Variants in CCDC149 observed in about 807,000 individuals in gnomAD.
CCDC149 encodes coiled-coil domain-containing protein 149.
A neutral mutation model predicts 59.9 loss-of-function variants in CCDC149; 45 were observed. That is an observed-to-expected ratio of 0.75 (90% CI 0.59 to 0.96). The LOEUF is 0.96. CCDC149 is among the 40% of genes least tolerant of loss of function. The pLI, the probability that CCDC149 is intolerant of heterozygous loss-of-function variation, is 0.00. For missense variants in CCDC149, 584 were observed against 664.7 expected (o/e 0.88, Z 1.33); for synonymous variants, 245 against 260.6 (o/e 0.94, Z 0.58).
At chr4:24,809,381 T>C (rs1299331963) in intron 12 of CCDC149, among the ~76,000 whole-genome samples, 1 of 152,292 alleles carries the variant, frequency 6.6e-6, no homozygotes, top group Admixed American at 6.5e-5. Flanking sequence ...CCCTGTTGAG[T>C]TGTTGTCCCT....
At chr4:24,822,367 T>A in intron 10 of CCDC149, 130 bp downstream of exon 10, 1 of 513,208 alleles carries the variant, frequency 1.9e-6, no homozygotes, top group Non-Finnish European at 3.3e-6. Flanking sequence ...TCAGCAATGA[T>A]CTACTTTAAA....
At chr4:24,828,083 T>C (rs894211989) in intron 9 of CCDC149, 1 of 152,084 alleles carries the variant, frequency 6.6e-6, no homozygotes, top group African/African-American at 2.4e-5. Context: ...TTAGTTTCTT[T>C]ACATGCCCCC....
At chr4:24,899,640 GAC>G (rs1366055176) in intron 1 of CCDC149, among the ~76,000 whole-genome samples, 1 of 152,120 alleles carries the variant, frequency 6.6e-6, no homozygotes, top group East Asian at 1.9e-4. Flanking sequence ...GACAGACACT[GAC>G]ACAGACAGGC....
intron 3 of CCDC149, among the ~76,000 whole-genome samples, chr4:24,872,724 C>T (rs1719121047): frequency 6.7e-6 from 1 of 149,610 alleles, no homozygotes; most frequent in East Asian, 2.0e-4. Context: ...CATGCACCCG[C>T]CAAATGGTAA....
Position 24,808,273 on chromosome 4 carries a change from A to C in CCDC149, c.*116T>G. ...TGCAACAGGATCAGTGCGTTTTCTC[A>C]CTTGCAGACTCGGAGGTATTTCAGG... On this transcript the variant is annotated 3_prime_UTR_variant, in exon 13 of 13. Coordinates refer to ENST00000635206, the MANE Select transcript of CCDC149 (RefSeq NM_001330643.2). 1.1e-6 allele frequency: 1 copy of C among 918,492 alleles called. No homozygotes were observed. Among genetic ancestry groups the C allele is most frequent in the Non-Finnish European group, 1.5e-6 (1 of 648,392 alleles). 56.9% of individuals were successfully genotyped at this position (918,492 alleles called of 1,614,324 possible).
rs775028675 is a variant in CCDC149 at position 24,837,438 on chromosome 4, T to C, written c.490-38A>G. 6.8e-6 allele frequency: 11 copies of C among 1,606,354 alleles called. No homozygotes were observed. In the African/African-American group the frequency reaches 1.2e-4, roughly 18 times the overall value. ...GGAGAGCCCTTACTCAAGATGTTCC[T>C]CAGGCTCCAGCTTTATGGCCAGAGA... On this transcript the variant is annotated intron_variant, in intron 5 of 12. Transcript: ENST00000635206. The surrounding 1 kb of genome is among the most constrained non-coding windows in gnomAD (Gnocchi z 4.3).
At chr4:24,908,196 C>A (rs755239356) in intron 1 of CCDC149, among the ~76,000 whole-genome samples, 10 of 152,116 alleles carry the variant, frequency 6.6e-5, no homozygotes, top group Non-Finnish European at 1.2e-4. Context: ...ACAGTACAAC[C>A]TACAACATCA....
chr4:24,876,292 T>TAC (rs61406129), intron 2 of CCDC149, among the ~76,000 whole-genome samples: 4,284 of 124,720 alleles, frequency 0.034, 131 homozygotes, highest in East Asian at 0.078. Context: ...CATACACACG[T>TAC]ACACACACAC....
chr4:24,808,981 C>T (rs1355492274), intron 12 of CCDC149, among the ~76,000 whole-genome samples, 162 bp from the exon 13 acceptor site: 1 of 152,180 alleles, frequency 6.6e-6, no homozygotes, highest in Non-Finnish European at 1.5e-5. Context: ...AAGGGGAACA[C>T]AGGACCCAGG....
intron 1 of CCDC149, among the ~76,000 whole-genome samples, chr4:24,901,102 A>T (rs1186035623): frequency 2.0e-5 from 3 of 152,352 alleles, no homozygotes; most frequent in Non-Finnish European, 4.4e-5. Flanking sequence ...AGAAAATATG[A>T]TACCCTGAAC....
At chr4:24,923,445 A>G (rs1367813315) in intron 1 of CCDC149, among the ~76,000 whole-genome samples, 1 of 152,232 alleles carries the variant, frequency 6.6e-6, no homozygotes, top group African/African-American at 2.4e-5. Flanking sequence ...TGATTATGCA[A>G]AAATTATTTA....
chr4:24,824,693 A>G (rs1283395346), intron 9 of CCDC149, among the ~76,000 whole-genome samples: 1 of 152,188 alleles, frequency 6.6e-6, no homozygotes, highest in East Asian at 1.9e-4. Context: ...AAGCTGAGGA[A>G]CAGAAGTTAG....
At chr4:24,921,638 T>A (rs958196762) in intron 1 of CCDC149, among the ~76,000 whole-genome samples, 3 of 152,192 alleles carry the variant, frequency 2.0e-5, no homozygotes, top group Non-Finnish European at 2.9e-5. Context: ...AGAACTAATG[T>A]ACCTGCCATC....
At chr4:24,868,758 C>G (rs1455278724) in intron 3 of CCDC149, among the ~76,000 whole-genome samples, 1 of 152,150 alleles carries the variant, frequency 6.6e-6, no homozygotes, top group African/African-American at 2.4e-5. Context: ...CCCCGTGCCC[C>G]TCCTGTCCAG....
chr4:24,931,010 TG>T (rs1417612172), intron 1 of CCDC149, among the ~76,000 whole-genome samples: 2 of 152,106 alleles, frequency 1.3e-5, no homozygotes, highest in Non-Finnish European at 2.9e-5. Flanking sequence ...ACATACTTAA[TG>T]GTTTCCTCTT....
chr4:24,856,915 G>A (rs535923532), intron 3 of CCDC149, among the ~76,000 whole-genome samples: 2 of 152,346 alleles, frequency 1.3e-5, no homozygotes, highest in South Asian at 2.1e-4. Flanking sequence ...GGGGAGCAGC[G>A]GGAGGAGCAG....
chr4:24,956,300 C>T (rs151015757), intron 1 of CCDC149, among the ~76,000 whole-genome samples: 99 of 152,096 alleles, frequency 6.5e-4, no homozygotes, highest in African/African-American at 2.2e-3. Context: ...CTCACCCTCT[C>T]AGTGACCCTC....
At chr4:24,848,331 G>C (rs1717439832) in intron 4 of CCDC149, among the ~76,000 whole-genome samples, 1 of 152,142 alleles carries the variant, frequency 6.6e-6, no homozygotes, top group African/African-American at 2.4e-5. Flanking sequence ...AGCACTTTGG[G>C]ATGCCGAGGT....
intron 1 of CCDC149, among the ~76,000 whole-genome samples, chr4:24,900,824 G>T (rs1721123072): frequency 6.6e-6 from 1 of 152,228 alleles, no homozygotes; most frequent in African/African-American, 2.4e-5. Flanking sequence ...GGACAGAGAA[G>T]AAGGGGGAGG....
Sources: allele counts gnomAD v4.1 joint callset (sites outside exome capture counted in the v4.1 genomes callset), GRCh38; gene constraint gnomAD v4.1.1; non-coding constraint Gnocchi (gnomAD v3.1); transcripts MANE v1.5; gene names NCBI Gene and HGNC (gene_info 2026-07-23, HGNC 2026-07-21).